Variants in PPP2R2B observed in about 807,000 individuals in gnomAD.
The protein encoded by PPP2R2B is protein phosphatase 2 regulatory subunit Bbeta.
A neutral mutation model predicts 46.0 loss-of-function variants in PPP2R2B; 5 were observed. The ratio of observed to expected loss-of-function variants is 0.11; its 90% CI spans 0.06 to 0.23. The LOEUF (loss-of-function observed/expected upper bound fraction) is 0.23. PPP2R2B is among the 10% of genes least tolerant of loss of function. The pLI is 1.00. For synonymous variants in PPP2R2B, 215 were observed against 206.7 expected (o/e 1.04, Z -0.34); for missense variants, 367 against 575.0 (o/e 0.64, Z 3.70).
At chr5:146,739,104 T>C (rs1392504985) in intron 2 of PPP2R2B, among the ~76,000 whole-genome samples, 3 of 152,094 alleles carry the variant, frequency 2.0e-5, no homozygotes, top group Non-Finnish European at 4.4e-5. Flanking sequence ...ACAGCAGCCT[T>C]GACCTCCTGA....
chr5:146,942,802 GTT>G (rs879508942), intron 1 of PPP2R2B, among the ~76,000 whole-genome samples: 1 of 145,254 alleles, frequency 6.9e-6, no homozygotes. Context: ...TGAATCCATA[GTT>G]TTTTTTTTTT....
At chr5:146,593,126 C>T in intron 8 of PPP2R2B, 64 bp from the exon 9 acceptor site, 1 of 1,293,652 alleles carries the variant, frequency 7.7e-7, no homozygotes, top group East Asian at 2.3e-5. Context: ...TCTGCAAACA[C>T]CTCCTCTTCT....
In PPP2R2B at chr5:146,891,695, G is replaced by A. The variant is rs76806178; in HGVS notation, c.79+163970C>T. ...AGATAACTGTTAGTAATTTATGTGC[G>A]AATAAGAGACCAACCAAGTGTGAAC... On this transcript the variant is annotated intron_variant, in intron 1 of 8. Coordinates refer to the PPP2R2B transcript ENST00000336640. Among the ~76,000 whole-genome samples, 991 of 152,198 alleles carry A rather than the reference G, an allele frequency of 6.5e-3. 10 individuals carry two copies. The highest frequency in any genetic ancestry group is 0.023 in the African/African-American group (944 of 41,534).
At chr5:146,903,756 G>A (rs975818941) in intron 1 of PPP2R2B, among the ~76,000 whole-genome samples, 3 of 152,076 alleles carry the variant, frequency 2.0e-5, no homozygotes, top group Middle Eastern at 3.2e-3. Context: ...TTGACCTGGA[G>A]TTCAAATCCT....
rs548365334 is a variant in PPP2R2B, at chr5:146,592,429, C to T, written c.1052+542G>A. 1.9e-3 allele frequency among the ~76,000 whole-genome samples: 294 copies of T among 152,266 alleles called. 2 individuals are homozygous for T. The highest frequency in any genetic ancestry group is 3.4e-3 in the Middle Eastern group (1 of 294). ...AAATCAGAGAATCATTTGTATTTGT[C>T]AAACTAAAAATGAACTATTGGGAGG... On this transcript the variant is annotated intron_variant, in intron 9 of 9. Coordinates refer to ENST00000394411, the MANE Select transcript of PPP2R2B (RefSeq NM_181675.4).
At chr5:146,868,022 T>C (rs1761408325) in intron 2 of PPP2R2B, among the ~76,000 whole-genome samples, 1 of 152,224 alleles carries the variant, frequency 6.6e-6, no homozygotes, top group African/African-American at 2.4e-5. Context: ...ATCATGTCAT[T>C]GAGAGCTTAA....
At chr5:146,654,165 C>T (rs1339534622) in intron 5 of PPP2R2B, among the ~76,000 whole-genome samples, 1 of 152,132 alleles carries the variant, frequency 6.6e-6, no homozygotes, top group African/African-American at 2.4e-5. Flanking sequence ...GTTTAGAACC[C>T]CTGACTCCCT....
intron 5 of PPP2R2B, among the ~76,000 whole-genome samples, chr5:146,678,152 T>C (rs1018549985): frequency 6.6e-6 from 1 of 152,250 alleles, no homozygotes; most frequent in East Asian, 1.9e-4. Context: ...AATAAAATAC[T>C]GGCAAAACGA....
intron 1 of PPP2R2B, among the ~76,000 whole-genome samples, chr5:147,050,637 T>A (rs1756761418): frequency 6.6e-6 from 1 of 150,686 alleles, no homozygotes; most frequent in Non-Finnish European, 1.5e-5. Context: ...AAAATGAGGA[T>A]AACAGTGTTG....
At chr5:146,919,300 G>T (rs765049587) in intron 1 of PPP2R2B, 2 of 152,184 alleles carry the variant, frequency 1.3e-5, no homozygotes, top group Non-Finnish European at 2.9e-5. Context: ...CCAGGATTCA[G>T]GGAGGTGATC....
At chr5:146,617,683 T>TCC (rs2151048085) in intron 7 of PPP2R2B, among the ~76,000 whole-genome samples, 1 of 145,804 alleles carries the variant, frequency 6.9e-6, no homozygotes, top group African/African-American at 2.7e-5. Flanking sequence ...TCCTCTCATC[T>TCC]CTCTCTCTCT....
intron 1 of PPP2R2B, among the ~76,000 whole-genome samples, chr5:147,038,092 G>A (rs529061657): frequency 2.6e-4 from 40 of 152,240 alleles, no homozygotes; most frequent in African/African-American, 8.4e-4. Flanking sequence ...TGACCCATTA[G>A]CAAACCCACT....
intron 7 of PPP2R2B, among the ~76,000 whole-genome samples, chr5:146,617,755 C>T (rs891510054): frequency 3.7e-4 from 56 of 150,564 alleles, no homozygotes; most frequent in Non-Finnish European, 7.1e-4. Context: ...AGTGCAGTGG[C>T]GCGATCTCAG....
chr5:146,730,829 C>T (rs1752184114), intron 2 of PPP2R2B, among the ~76,000 whole-genome samples: 1 of 152,066 alleles, frequency 6.6e-6, no homozygotes, highest in African/African-American at 2.4e-5. Flanking sequence ...TAAAAATGGA[C>T]TAATACAGGG....
chr5:147,042,479 A>T (rs1756359996), intron 1 of PPP2R2B, among the ~76,000 whole-genome samples: 1 of 152,162 alleles, frequency 6.6e-6, no homozygotes, highest in Admixed American at 6.5e-5. Context: ...ATTTTAAGCC[A>T]AATACTGTAG....
intron 2 of PPP2R2B, among the ~76,000 whole-genome samples, chr5:146,856,150 A>G (rs750837341): frequency 2.6e-4 from 39 of 152,030 alleles, no homozygotes; most frequent in Non-Finnish European, 3.8e-4. Context: ...TTTGTTCTCT[A>G]GCTTATTCAA....
At chr5:146,945,296 G>A (rs1764445801) in intron 1 of PPP2R2B, among the ~76,000 whole-genome samples, 1 of 152,144 alleles carries the variant, frequency 6.6e-6, no homozygotes, top group African/African-American at 2.4e-5. Flanking sequence ...ATCAATCACT[G>A]GGAGAGGCAA....
Position 146,736,775 on chromosome 5 carries a change from G to A in PPP2R2B, c.71-35633C>T, listed in dbSNP as rs533643667. On this transcript the variant is annotated intron_variant, in intron 2 of 9. Coordinates refer to ENST00000394411, the MANE Select transcript of PPP2R2B (RefSeq NM_181675.4). Reference sequence around the variant, plus strand: ...ATGAGGGCACAAAAGCAGGATTGCAGCTTTGTGTTTTCATCCCTGCTCAGT... The same window carrying A: ...ATGAGGGCACAAAAGCAGGATTGCAACTTTGTGTTTTCATCCCTGCTCAGT... Among the ~76,000 whole-genome samples the A allele has an allele frequency of 2.6e-5, 4 of 152,282 alleles. No individual in the cohort carries two copies. In the East Asian group the frequency reaches 7.7e-4, roughly 29 times the overall value.
chr5:146,723,278 G>A (rs1337826900), intron 2 of PPP2R2B, among the ~76,000 whole-genome samples: 1 of 152,152 alleles, frequency 6.6e-6, no homozygotes, highest in Non-Finnish European at 1.5e-5. Flanking sequence ...TGGTCTCCCT[G>A]TTTGAAACCT....
Sources: gnomAD v4.1 joint callset for allele counts (sites outside exome capture counted in the v4.1 genomes callset) on GRCh38, gnomAD v4.1.1 for gene constraint, MANE v1.5 for transcripts, NCBI Gene and HGNC (gene_info 2026-07-23, HGNC 2026-07-21) for gene names.